The following CSMD3 variants were observed in gnomAD, a reference collection of about 807,000 sequenced individuals.
CSMD3 encodes the protein CUB and Sushi multiple domains 3.
A neutral mutation model predicts 435.2 loss-of-function variants in CSMD3; 177 were observed. The observed-to-expected ratio is 0.41, with a 90% CI of 0.36 to 0.46. The LOEUF is 0.46. Among genes scored for constraint, CSMD3 ranks in the 20% least tolerant of loss-of-function variants. The pLI, the probability that CSMD3 is intolerant of heterozygous loss-of-function variation, is 0.34. For missense variants in CSMD3, 4,265 were observed against 4,504.6 expected (o/e 0.95, Z 1.52); for synonymous variants, 1,656 against 1,520.5 (o/e 1.09, Z -2.07).
chr8:112,257,475 T>C (rs1313534055), intron 61 of CSMD3, among the ~76,000 whole-genome samples: 1 of 152,148 alleles, frequency 6.6e-6, no homozygotes, highest in Non-Finnish European at 1.5e-5. Flanking sequence ...CAAGGATTCC[T>C]ATACACCAAT....
rs201906108 is a variant in CSMD3 at position 112,263,639 on chromosome 8, G to A, written c.9862C>T (p.Pro3288Ser). The A allele has an allele frequency of 1.2e-4, 191 of 1,612,520 alleles. No homozygotes were observed. The highest frequency in any genetic ancestry group is 1.5e-4 in the Non-Finnish European group (180 of 1,179,102). Reference sequence around the variant, plus strand: ...AGTTGTTAGTAGAAATCATACTTACGTAAGCACTGCGGTACTTCACCACTC... The same window carrying A: ...AGTTGTTAGTAGAAATCATACTTACATAAGCACTGCGGTACTTCACCACTC... ...TWSGEVPQCL[P>S]KFCGDPGIPA... is the part of the protein sequence containing the mutation. The change falls in exon 61 of 71, where the codon CCA becomes TCA. Residue 3288 changes from proline (P) to serine (S), a missense_variant and splice_region_variant. By Grantham distance (74) the Pro-to-Ser change is moderately conservative. Coordinates refer to ENST00000297405, the MANE Select transcript of CSMD3 (RefSeq NM_198123.2).
intron 13 of CSMD3, among the ~76,000 whole-genome samples, chr8:112,736,958 C>A (rs1233275696): frequency 6.6e-6 from 1 of 151,878 alleles, no homozygotes; most frequent in Admixed American, 6.6e-5. Context: ...TACTGCTTTG[C>A]TATTTTAATT....
chr8:113,436,856 T>G lies in CSMD3; in HGVS notation c.-2A>C. The G allele has an allele frequency of 1.2e-6, 2 of 1,613,924 alleles. No homozygotes were observed. The highest frequency in any genetic ancestry group is 1.7e-6 in the Non-Finnish European group (2 of 1,180,024). ...TTCCCCTTTGCGGATCCCTTTCATA[T>G]TATTCGCGAGCTCCTAATTCCTGCT... On this transcript the variant is annotated 5_prime_UTR_variant, in exon 1 of 71. Transcript: ENST00000297405.
intron 5 of CSMD3, among the ~76,000 whole-genome samples, chr8:113,032,891 C>T (rs2087178213): frequency 6.6e-6 from 1 of 151,450 alleles, no homozygotes; most frequent in Admixed American, 6.6e-5. Flanking sequence ...TCTTGGTAGC[C>T]CACATACCAG....
At chr8:113,143,651 A>C (rs906150125) in intron 4 of CSMD3, among the ~76,000 whole-genome samples, 7 of 151,382 alleles carry the variant, frequency 4.6e-5, no homozygotes, top group Non-Finnish European at 8.9e-5. Context: ...ACATGCAAAA[A>C]TTTGCATGCA....
At chr8:112,549,795 C>T (rs78192067) in intron 27 of CSMD3, among the ~76,000 whole-genome samples, 7,677 of 151,982 alleles carry the variant, frequency 0.051, 235 homozygotes, top group African/African-American at 0.089. Context: ...AACCCAGTAT[C>T]GGGTCACTAG....
intron 6 of CSMD3, among the ~76,000 whole-genome samples, chr8:112,987,251 A>T (rs1269251319): frequency 6.6e-6 from 1 of 152,124 alleles, no homozygotes; most frequent in African/African-American, 2.4e-5. Context: ...TGAATATTCA[A>T]TCATTTTCCT....
intron 10 of CSMD3, among the ~76,000 whole-genome samples, chr8:112,908,639 G>C (rs1247172915): frequency 6.6e-6 from 1 of 151,510 alleles, no homozygotes; most frequent in African/African-American, 2.4e-5. Context: ...TACTTCCTGT[G>C]ACAGAAAATA....
chr8:112,318,263 C>G (rs1257527992), intron 47 of CSMD3, among the ~76,000 whole-genome samples: 1 of 151,972 alleles, frequency 6.6e-6, no homozygotes, highest in East Asian at 1.9e-4. Flanking sequence ...TTCCCTACCC[C>G]ACAACCGGTT....
chr8:112,353,389 C>CA (rs1826314666), intron 38 of CSMD3, among the ~76,000 whole-genome samples: 2 of 150,206 alleles, frequency 1.3e-5, no homozygotes, highest in African/African-American at 2.5e-5. Context: ...GACTTCATCT[C>CA]AAAAAAAAGG....
chr8:112,502,827 T>C (rs938224141), intron 30 of CSMD3, among the ~76,000 whole-genome samples: 2 of 152,172 alleles, frequency 1.3e-5, no homozygotes, highest in Non-Finnish European at 2.9e-5. Flanking sequence ...AAAGCATGTG[T>C]TTTCAGAAAT....
intron 16 of CSMD3, among the ~76,000 whole-genome samples, chr8:112,675,843 G>A (rs918454596): frequency 3.3e-5 from 5 of 152,056 alleles, no homozygotes; most frequent in African/African-American, 1.2e-4. Flanking sequence ...AGGGGGCTAC[G>A]GATTAATTAA....
At chr8:112,931,726 A>G (rs1004759914) in intron 9 of CSMD3, among the ~76,000 whole-genome samples, 5 of 152,156 alleles carry the variant, frequency 3.3e-5, no homozygotes, top group African/African-American at 1.2e-4. Context: ...TTCTGAATTT[A>G]AAAGGAAATC....
At chr8:112,923,875 A>G (rs2082824768) in intron 9 of CSMD3, among the ~76,000 whole-genome samples, 1 of 152,154 alleles carries the variant, frequency 6.6e-6, no homozygotes. Context: ...CCTTATCCCT[A>G]TAACTGGAAA....
At chr8:112,385,610 A>G (rs977982967) in intron 36 of CSMD3, among the ~76,000 whole-genome samples, 5 of 152,220 alleles carry the variant, frequency 3.3e-5, no homozygotes, top group African/African-American at 1.2e-4. Flanking sequence ...GCAGTAAAAA[A>G]CAATGAGAGA....
chr8:112,933,826 A>C (rs953514828), intron 9 of CSMD3, among the ~76,000 whole-genome samples: 1 of 152,054 alleles, frequency 6.6e-6, no homozygotes, highest in African/African-American at 2.4e-5. Context: ...GTGGGAATAG[A>C]AAGTTTACAA....
At chr8:113,044,083 A>T (rs1183022682) in intron 5 of CSMD3, among the ~76,000 whole-genome samples, 2 of 152,094 alleles carry the variant, frequency 1.3e-5, no homozygotes, top group African/African-American at 4.8e-5. Flanking sequence ...CCAGACACTA[A>T]AACATACGAA....
chr8:112,495,324 C>T (rs1311625560), intron 30 of CSMD3, among the ~76,000 whole-genome samples: 1 of 152,144 alleles, frequency 6.6e-6, no homozygotes, highest in Non-Finnish European at 1.5e-5. Flanking sequence ...CAAGTCTATT[C>T]TCCTAATATT....
chr8:113,052,299 G>A (rs2088131044), intron 5 of CSMD3, among the ~76,000 whole-genome samples: 1 of 152,146 alleles, frequency 6.6e-6, no homozygotes, highest in African/African-American at 2.4e-5. Context: ...TTCTTTTGGA[G>A]TATGTAAATG....
Sources: allele counts gnomAD v4.1 joint callset (sites outside exome capture counted in the v4.1 genomes callset), GRCh38; gene constraint gnomAD v4.1.1; transcripts MANE v1.5; gene names NCBI Gene and HGNC (gene_info 2026-07-23, HGNC 2026-07-21).